LEKR1: variants seen among roughly 807,000 people sequenced by gnomAD.
LEKR1 encodes leucine, glutamate and lysine rich 1, also known as protein LEKR1.
LEKR1 carries 59 observed loss-of-function variants against 72.4 expected under a neutral mutation model. That is an observed-to-expected ratio of 0.82 (90% CI 0.66 to 1.01). LEKR1 has a LOEUF of 1.01. Among genes scored for constraint, LEKR1 ranks in the 50% least tolerant of loss-of-function variants. The pLI, the probability that LEKR1 is intolerant of heterozygous loss-of-function variation, is 0.00. For missense variants in LEKR1, 728 were observed against 759.2 expected (o/e 0.96, Z 0.48); for synonymous variants, 257 against 263.2 (o/e 0.98, Z 0.23).
At chr3:156,854,137 C>CTTTTT (rs370896609) in intron 3 of LEKR1, among the ~76,000 whole-genome samples, 8 of 108,228 alleles carry the variant, frequency 7.4e-5, no homozygotes, top group Non-Finnish European at 1.3e-4. Context: ...GTAAAAATCA[C>CTTTTT]TTTTTTTTTT....
At chr3:156,915,064 G>A (rs143647652) in intron 3 of LEKR1, among the ~76,000 whole-genome samples, 1 of 152,022 alleles carries the variant, frequency 6.6e-6, no homozygotes, top group African/African-American at 2.4e-5. Context: ...TGCTGTGTTA[G>A]CTTGCTAAGG....
chr3:156,885,935 T>C lies in LEKR1; in HGVS notation c.263+32953T>C, dbSNP rs567289552. On this transcript the variant is annotated intron_variant, in intron 3 of 12. Coordinates refer to ENST00000356539, the MANE Select transcript of LEKR1 (RefSeq NM_001004316.3). ...GCTATCAAGAGAGCACCAGCTGTGG[T>C]AGTAGTAGGGGGCTGTAAGCTTGCC... Among the ~76,000 whole-genome samples the C allele has an allele frequency of 4.6e-4, 70 of 152,256 alleles. No individual in the cohort carries two copies. In the South Asian group the frequency reaches 0.014, roughly 31 times the overall value.
At chr3:157,023,100 G>A (rs1344591443) in intron 10 of LEKR1, among the ~76,000 whole-genome samples, 1 of 151,688 alleles carries the variant, frequency 6.6e-6, no homozygotes, top group Non-Finnish European at 1.5e-5. Context: ...GTTCTCTTGA[G>A]AAATTTAGGT....
chr3:156,936,113 T>C (rs976016367), intron 5 of LEKR1, among the ~76,000 whole-genome samples: 10 of 152,146 alleles, frequency 6.6e-5, no homozygotes, highest in Admixed American at 6.5e-4. Flanking sequence ...TACTTAAATT[T>C]ATTAAACAAA....
At chr3:156,916,590 T>G (rs868051042) in intron 3 of LEKR1, among the ~76,000 whole-genome samples, 25 of 152,172 alleles carry the variant, frequency 1.6e-4, no homozygotes, top group African/African-American at 6.0e-4. Flanking sequence ...AGTAGTGATT[T>G]TTGTATGTTG....
intron 3 of LEKR1, among the ~76,000 whole-genome samples, chr3:156,877,866 T>G (rs1221202459): frequency 6.6e-6 from 1 of 152,180 alleles, no homozygotes; most frequent in East Asian, 1.9e-4. Flanking sequence ...CACTGCAACC[T>G]CCGCCTCCTG....
intron 10 of LEKR1, among the ~76,000 whole-genome samples, chr3:157,019,649 T>C (rs1733653267): frequency 6.6e-6 from 1 of 152,232 alleles, no homozygotes; most frequent in African/African-American, 2.4e-5. Flanking sequence ...GCTTTATATG[T>C]ACACCATCAA....
At chr3:157,032,187 T>C (rs936245626) in intron 12 of LEKR1, among the ~76,000 whole-genome samples, 37 of 152,280 alleles carry the variant, frequency 2.4e-4, no homozygotes, top group Admixed American at 4.6e-4. Context: ...TCCTTCCTAC[T>C]GGTTCCATGT....
At position 156,852,919 on chromosome 3, in the gene LEKR1, A is replaced by T; in HGVS notation, c.200A>T (p.Lys67Met). The change falls in exon 3 of 13, where the codon AAG becomes ATG. Residue 67 changes from lysine to methionine, a missense_variant. Coordinates refer to ENST00000356539, the MANE Select transcript of LEKR1 (RefSeq NM_001004316.3). ...GATCGTGAAAAGAGACTTCAAGAAA[A>T]GCTGCATTCTCTTAGCCAAGAACTT... ...SVDREKRLQEKLHSLSQELEQ... is the reference protein window; with the variant it reads ...SVDREKRLQEMLHSLSQELEQ... 6.6e-7 allele frequency: 1 copy of T among 1,524,266 alleles called. No individual in the cohort carries two copies. The highest frequency in any genetic ancestry group is 8.8e-7 in the Non-Finnish European group (1 of 1,141,598). 94.4% of individuals were successfully genotyped at this position (1,524,266 alleles called of 1,614,324 possible). A position where few individuals can be genotyped will look rare whatever the true frequency, so the allele number is the denominator to read the frequency against.
intron 3 of LEKR1, among the ~76,000 whole-genome samples, chr3:156,882,550 G>A (rs988928714): frequency 8.5e-5 from 13 of 152,110 alleles, no homozygotes; most frequent in Non-Finnish European, 1.8e-4. Context: ...TTACACTGTT[G>A]GTGGGAGTGT....
At chr3:156,963,241 C>T (rs781275326) in intron 6 of LEKR1, among the ~76,000 whole-genome samples, 5 of 152,136 alleles carry the variant, frequency 3.3e-5, no homozygotes, top group Admixed American at 6.6e-5. Flanking sequence ...CTGTCATACA[C>T]GGCTTCTATA....
chr3:156,960,218 T>C (rs1727996710), intron 6 of LEKR1, among the ~76,000 whole-genome samples: 1 of 152,238 alleles, frequency 6.6e-6, no homozygotes, highest in African/African-American at 2.4e-5. Flanking sequence ...ATTTTGTTAC[T>C]TGTTTCCTTG....
At chr3:156,879,466 T>A (rs1719022305) in intron 3 of LEKR1, among the ~76,000 whole-genome samples, 1 of 152,142 alleles carries the variant, frequency 6.6e-6, no homozygotes. Context: ...AGCATTCCGT[T>A]TTCAAAGGGA....
At chr3:156,951,619 T>C (rs773846576) in intron 6 of LEKR1, among the ~76,000 whole-genome samples, 1 of 151,818 alleles carries the variant, frequency 6.6e-6, no homozygotes, top group Non-Finnish European at 1.5e-5. Context: ...TGTATGCATC[T>C]CTTCTAGGTT....
chr3:156,967,414 G>T (rs951261180), intron 6 of LEKR1, among the ~76,000 whole-genome samples: 4 of 152,168 alleles, frequency 2.6e-5, no homozygotes, highest in Admixed American at 2.0e-4. Context: ...AATAACCAGT[G>T]CAGAGAAGTC....
At chr3:157,021,307 T>C (rs1206044724) in intron 10 of LEKR1, among the ~76,000 whole-genome samples, 9 of 151,550 alleles carry the variant, frequency 5.9e-5, no homozygotes, top group African/African-American at 2.2e-4. Flanking sequence ...GTCAATTTTG[T>C]CTTTTGTTGC....
At chr3:156,966,322 G>T (rs1278045983) in intron 6 of LEKR1, among the ~76,000 whole-genome samples, 1 of 152,052 alleles carries the variant, frequency 6.6e-6, no homozygotes, top group African/African-American at 2.4e-5. Context: ...AGCTGAAGCA[G>T]GGTGAGGCAT....
chr3:156,983,002 G>C (rs1391736856), intron 7 of LEKR1, among the ~76,000 whole-genome samples: 3 of 151,864 alleles, frequency 2.0e-5, no homozygotes, highest in Non-Finnish European at 4.4e-5. Context: ...TTCTAAAAAT[G>C]GGCATTATGC....
chr3:157,017,963 A>AAAAAAG (rs1733504939), intron 10 of LEKR1, among the ~76,000 whole-genome samples: 1 of 86,096 alleles, frequency 1.2e-5, no homozygotes, highest in African/African-American at 3.9e-5. Flanking sequence ...AAAAAAAAAA[A>AAAAAAG]AAAAAAAAAG....
Sources: allele counts gnomAD v4.1 joint callset (sites outside exome capture counted in the v4.1 genomes callset), GRCh38; gene constraint gnomAD v4.1.1; transcripts MANE v1.5; gene names NCBI Gene and HGNC (gene_info 2026-07-23, HGNC 2026-07-21).